The following CSMD3 variants were observed in gnomAD, a reference collection of about 807,000 sequenced individuals.
The protein encoded by CSMD3 is CUB and Sushi multiple domains 3.
Under a neutral mutation model 435.2 loss-of-function variants are expected in CSMD3, and 177 were observed. That is an observed-to-expected ratio of 0.41 (90% CI 0.36 to 0.46). The LOEUF is 0.46. CSMD3 is among the 20% of genes least tolerant of loss of function. The pLI is 0.34. For missense variants in CSMD3, 4,265 were observed against 4,504.6 expected (o/e 0.95, Z 1.52); for synonymous variants, 1,656 against 1,520.5 (o/e 1.09, Z -2.07).
chr8:112,940,265 T>C (rs1160716489), intron 9 of CSMD3, among the ~76,000 whole-genome samples: 1 of 151,814 alleles, frequency 6.6e-6, no homozygotes, highest in Non-Finnish European at 1.5e-5. Context: ...ATAATCCAGA[T>C]ACAAATCCAA....
At chr8:112,885,376 A>G (rs2081561126) in intron 10 of CSMD3, among the ~76,000 whole-genome samples, 1 of 151,390 alleles carries the variant, frequency 6.6e-6, no homozygotes, top group African/African-American at 2.4e-5. Flanking sequence ...ATATATATAT[A>G]TATACATATA....
rs548245393 is a variant in CSMD3 at position 113,178,668 on chromosome 8, T to A, written c.515-4752A>T. On this transcript the variant is annotated intron_variant, in intron 3 of 70. Coordinates refer to ENST00000297405, the MANE Select transcript of CSMD3 (RefSeq NM_198123.2). ...GGCTTTAATTGTGATCTGAAAAGGA[T>A]AAAAAGTTAGTTTTTGTTTGTTTGT... Among the ~76,000 whole-genome samples, 4 of 152,028 alleles carry A rather than the reference T, an allele frequency of 2.6e-5. No individual in the cohort carries two copies. The East Asian group carries it at 7.7e-4, about 29-fold the overall frequency.
chr8:113,193,869 C>T (rs1475195972), intron 3 of CSMD3, among the ~76,000 whole-genome samples: 1 of 151,244 alleles, frequency 6.6e-6, no homozygotes, highest in African/African-American at 2.4e-5. Context: ...TAAATGTGTA[C>T]ATAGACAATA....
chr8:113,257,361 A>G lies in CSMD3; in HGVS notation c.514+21231T>C, dbSNP rs548543198. The stretch of plus-strand genomic sequence containing the variant: ...AGGAGGCGGAGTTTGCAGTGAGCCA[A>G]GATGGCACCACTGCACTCCAGCCTG... On this transcript the variant is annotated intron_variant, in intron 3 of 70. Coordinates refer to ENST00000297405, the MANE Select transcript of CSMD3 (RefSeq NM_198123.2). 3.3e-5 allele frequency among the ~76,000 whole-genome samples: 5 copies of G among 152,302 alleles called. No homozygotes were observed. In the South Asian group the frequency reaches 6.2e-4, roughly 19 times the overall value.
intron 3 of CSMD3, among the ~76,000 whole-genome samples, chr8:113,182,412 A>G (rs895336549): frequency 2.6e-5 from 4 of 151,970 alleles, no homozygotes; most frequent in African/African-American, 9.7e-5. Flanking sequence ...GTTGATACAT[A>G]TAAGGAAACA....
intron 35 of CSMD3, among the ~76,000 whole-genome samples, chr8:112,392,542 T>G (rs1056088252): frequency 1.3e-5 from 2 of 151,988 alleles, no homozygotes; most frequent in African/African-American, 4.8e-5. Flanking sequence ...ATTTAAAATA[T>G]TCACCCAAAA....
intron 13 of CSMD3, among the ~76,000 whole-genome samples, chr8:112,695,408 C>T (rs1342024140): frequency 6.6e-6 from 1 of 151,906 alleles, no homozygotes; most frequent in Non-Finnish European, 1.5e-5. Flanking sequence ...TTTGAACATC[C>T]TTGCAAGGCT....
At chr8:112,323,469 T>A (rs1823199912) in intron 45 of CSMD3, among the ~76,000 whole-genome samples, 1 of 152,060 alleles carries the variant, frequency 6.6e-6, no homozygotes, top group Admixed American at 6.6e-5. Flanking sequence ...ACGTAATTGG[T>A]TAACTTAAGG....
At chr8:112,798,645 A>C (rs1331034229) in intron 13 of CSMD3, among the ~76,000 whole-genome samples, 1 of 151,890 alleles carries the variant, frequency 6.6e-6, no homozygotes, top group Non-Finnish European at 1.5e-5. Context: ...GAACCGCAGC[A>C]GAGGGGAGAA....
At chr8:112,849,128 G>A (rs1349159246) in intron 11 of CSMD3, among the ~76,000 whole-genome samples, 1 of 152,026 alleles carries the variant, frequency 6.6e-6, no homozygotes, top group African/African-American at 2.4e-5. Flanking sequence ...TACTAAGCTA[G>A]CGAGAGTTAT....
chr8:113,266,243 G>A (rs1408015687), intron 3 of CSMD3, among the ~76,000 whole-genome samples: 2 of 148,406 alleles, frequency 1.3e-5, no homozygotes, highest in East Asian at 2.0e-4. Context: ...TAATAAACAT[G>A]TTTGACAGAG....
At chr8:112,836,810 A>G (rs971820102) in intron 11 of CSMD3, among the ~76,000 whole-genome samples, 3 of 151,754 alleles carry the variant, frequency 2.0e-5, no homozygotes, top group Non-Finnish European at 4.4e-5. Context: ...ATGTAAACTG[A>G]AGACATTCCA....
intron 4 of CSMD3, among the ~76,000 whole-genome samples, chr8:113,105,080 CTT>C (rs979953368): frequency 3.2e-4 from 49 of 151,760 alleles, no homozygotes; most frequent in African/African-American, 1.0e-3. Context: ...TTCAATAAAA[CTT>C]AAATTATTTA....
At chr8:112,926,569 C>A (rs1237966791) in intron 9 of CSMD3, among the ~76,000 whole-genome samples, 1 of 152,050 alleles carries the variant, frequency 6.6e-6, no homozygotes, top group African/African-American at 2.4e-5. Context: ...TAAGTGCTGT[C>A]ATCTTTTTAA....
At chr8:113,151,232 A>T (rs2091797925) in intron 4 of CSMD3, among the ~76,000 whole-genome samples, 1 of 151,998 alleles carries the variant, frequency 6.6e-6, no homozygotes, top group Non-Finnish European at 1.5e-5. Context: ...ATAATGCATT[A>T]GTTCTCATCT....
At position 113,308,258 on chromosome 8, in the gene CSMD3, CTTTTTTTTTTT is replaced by C. The variant is rs11440584; in HGVS notation, c.401+6302_401+6312del. Reference sequence around the variant, plus strand: ...TAAATATCCAGTAAATCATTTAAGTCTTTTTTTTTTTTTTTTTTTTTTTTTTTTGAGATGGA... The same window carrying C: ...TAAATATCCAGTAAATCATTTAAGTCTTTTTTTTTTTTTTTTTGAGATGGA... On this transcript the variant is annotated intron_variant, in intron 2 of 70. Coordinates refer to ENST00000297405, the MANE Select transcript of CSMD3 (RefSeq NM_198123.2). 1.8e-3 allele frequency among the ~76,000 whole-genome samples: 115 copies of C among 64,966 alleles called. 2 individuals are homozygous for C. Among genetic ancestry groups the C allele is most frequent in the Admixed American group, 5.2e-3 (20 of 3,832 alleles). 42.6% of individuals were successfully genotyped at this position (64,966 alleles called of 152,430 possible).
chr8:113,355,999 T>C (rs1237930521), intron 1 of CSMD3, among the ~76,000 whole-genome samples: 1 of 151,160 alleles, frequency 6.6e-6, no homozygotes, highest in African/African-American at 2.4e-5. Context: ...TTTTAGCAAG[T>C]CTAAACATAA....
intron 4 of CSMD3, among the ~76,000 whole-genome samples, chr8:113,146,295 G>T (rs2131754538): frequency 6.6e-6 from 1 of 151,560 alleles, no homozygotes; most frequent in Non-Finnish European, 1.5e-5. Flanking sequence ...GGGGTAGGAA[G>T]TGACACTTTA....
intron 38 of CSMD3, among the ~76,000 whole-genome samples, chr8:112,364,160 C>A (rs1047650901): frequency 6.6e-6 from 1 of 151,860 alleles, no homozygotes; most frequent in African/African-American, 2.4e-5. Flanking sequence ...GAATCTTTTG[C>A]TATTTATAAG....
Sources: gnomAD v4.1 joint callset for allele counts (sites outside exome capture counted in the v4.1 genomes callset) on GRCh38, gnomAD v4.1.1 for gene constraint, MANE v1.5 for transcripts, NCBI Gene and HGNC (gene_info 2026-07-23, HGNC 2026-07-21) for gene names.